Variants in TBC1D1 observed in about 807,000 individuals in gnomAD.
TBC1D1 encodes TBC1 (tre-2/USP6, BUB2, cdc16) domain family, member 1.
TBC1D1 carries 89 observed loss-of-function variants against 125.6 expected under a neutral mutation model. That is an observed-to-expected ratio of 0.71 (90% confidence interval 0.60 to 0.85). The LOEUF (loss-of-function observed/expected upper bound fraction) is 0.85, where lower values mean the gene tolerates loss of function less well. Ranked by LOEUF, TBC1D1 falls within the 40% of genes least tolerant of loss-of-function variation. TBC1D1 has a pLI of 0.00. For synonymous variants in TBC1D1, 565 were observed against 564.1 expected (o/e 1.00, Z -0.02); for missense variants, 1,377 against 1,469.2 (o/e 0.94, Z 1.03).
At position 38,133,088 on chromosome 4, in the gene TBC1D1, T is replaced by A; in HGVS notation, c.3137T>A (p.Phe1046Tyr). Reference sequence around the variant, plus strand: ...TGACTTTTCTTTCTATAACAGGTATTTGAAATGGACATCGCTAAACAGTTA... The same window carrying A: ...TGACTTTTCTTTCTATAACAGGTATATGAAATGGACATCGCTAAACAGTTA... Residue 1046 changes from phenylalanine (F) to tyrosine (Y), a missense_variant, in exon 19 of 20, where the codon TTT becomes TAT. This residue lies in a region of TBC1D1 where 543 missense variants were observed against 613.5 expected (regional missense o/e 0.89). Coordinates refer to ENST00000261439, the MANE Select transcript of TBC1D1 (RefSeq NM_015173.4). 1 of 1,609,380 alleles carries A rather than the reference T, an allele frequency of 6.2e-7. No homozygotes were observed. Among genetic ancestry groups the A allele is most frequent in the South Asian group, 1.1e-5 (1 of 89,932 alleles).
At chr4:38,120,835 G>T (rs1335661751) in intron 17 of TBC1D1, among the ~76,000 whole-genome samples, 2 of 151,968 alleles carry the variant, frequency 1.3e-5, no homozygotes. Context: ...ACCTTTGGGG[G>T]AAGAAAAATC....
chr4:37,940,524 C>T (rs1725334570), intron 2 of TBC1D1, among the ~76,000 whole-genome samples: 1 of 152,140 alleles, frequency 6.6e-6, no homozygotes, highest in Admixed American at 6.5e-5. Context: ...TTTCTTTCTC[C>T]TGCCTGATTG....
At chr4:38,105,487 A>G (rs1040635519) in intron 15 of TBC1D1, among the ~76,000 whole-genome samples, 1 of 152,102 alleles carries the variant, frequency 6.6e-6, no homozygotes, top group African/African-American at 2.4e-5. Flanking sequence ...GGTTTCTTAC[A>G]AAGGTGTATT....
chr4:37,984,129 T>G (rs1470551083), intron 2 of TBC1D1, among the ~76,000 whole-genome samples: 1 of 152,204 alleles, frequency 6.6e-6, no homozygotes, highest in Non-Finnish European at 1.5e-5. Context: ...ATCATATTAA[T>G]TGCCTGGATG....
intron 2 of TBC1D1, among the ~76,000 whole-genome samples, chr4:37,982,756 A>G (rs995468737): frequency 1.3e-5 from 2 of 152,232 alleles, no homozygotes; most frequent in African/African-American, 4.8e-5. Context: ...CAAATTCTTT[A>G]ATCTGATTTT....
rs1409900818 is a variant in TBC1D1, at chr4:38,014,617, C to T, written c.526C>T (p.Leu176Phe). 1.2e-6 allele frequency: 2 copies of T among 1,613,448 alleles called. No individual in the cohort carries two copies. Among genetic ancestry groups the T allele is most frequent in the Admixed American group, 1.7e-5 (1 of 60,034 alleles). ...CACGTTTTCCAAGAAGTTCGAGGTG[C>T]TCTTCTGCGGCCGCGTGACGGTGGC... The change falls in exon 3 of 20, where the codon CTC becomes TTC. Residue 176 changes from leucine to phenylalanine, a missense_variant. By Grantham distance (22) the Leu-to-Phe change is conservative. This residue lies in a region of TBC1D1 where 822 missense variants were observed against 824.6 expected (regional missense o/e 1.00). Coordinates refer to ENST00000261439, the MANE Select transcript of TBC1D1 (RefSeq NM_015173.4). The surrounding 1 kb of genome is among the most constrained non-coding windows in gnomAD (Gnocchi z 5.1).
chr4:37,979,551 A>G (rs925524880), intron 2 of TBC1D1, among the ~76,000 whole-genome samples: 3 of 152,270 alleles, frequency 2.0e-5, no homozygotes, highest in Admixed American at 6.5e-5. Context: ...AATGTACACA[A>G]TGTGAATAAT....
At chr4:38,012,010 A>G (rs1167955274) in intron 2 of TBC1D1, among the ~76,000 whole-genome samples, 1 of 152,194 alleles carries the variant, frequency 6.6e-6, no homozygotes, top group East Asian at 1.9e-4. Context: ...TGCTCACTTC[A>G]GATGCAGCAG....
chr4:38,054,132 T>A (rs1751232521), intron 11 of TBC1D1, 67 bp from the exon 14 acceptor site: 13 of 1,526,970 alleles, frequency 8.5e-6, no homozygotes, highest in Non-Finnish European at 1.2e-5. Flanking sequence ...TTTAAAAAAA[T>A]GTTAAGCTAA....
At chr4:38,006,762 A>C in intron 2 of TBC1D1, 1 of 454,572 alleles carries the variant, frequency 2.2e-6, no homozygotes, top group South Asian at 1.7e-5. Context: ...TACAGGCGTG[A>C]GCCACTGCGC....
chr4:38,110,732 G>C (rs980324097), intron 15 of TBC1D1: 1 of 985,308 alleles, frequency 1.0e-6, no homozygotes. Context: ...TCTCTGCTTT[G>C]TGGTAAGTTG....
intron 2 of TBC1D1, among the ~76,000 whole-genome samples, chr4:37,937,655 A>G (rs1283911495): frequency 3.9e-5 from 6 of 152,228 alleles, no homozygotes; most frequent in African/African-American, 1.4e-4. Context: ...CATAAAAACA[A>G]TAACAATTCT....
intron 19 of TBC1D1, among the ~76,000 whole-genome samples, chr4:38,135,541 T>C (rs1766354435): frequency 6.6e-6 from 1 of 152,242 alleles, no homozygotes. Flanking sequence ...TGCAAATTAA[T>C]TCACTACTAA....
At chr4:38,016,776 A>G (rs1742819920) in intron 3 of TBC1D1, among the ~76,000 whole-genome samples, 1 of 152,206 alleles carries the variant, frequency 6.6e-6, no homozygotes. Context: ...AGCCCCATGA[A>G]AGTTGTTTTC....
At chr4:38,111,589 C>T (rs542946053) in intron 15 of TBC1D1, among the ~76,000 whole-genome samples, 21 of 152,130 alleles carry the variant, frequency 1.4e-4, no homozygotes, top group African/African-American at 2.9e-4. Context: ...TAATAGAATC[C>T]GCTGAATTTT....
At chr4:38,035,874 TAAGAA>T (rs1170119466) in intron 8 of TBC1D1, among the ~76,000 whole-genome samples, 176 bp downstream of exon 8, 1 of 152,072 alleles carries the variant, frequency 6.6e-6, no homozygotes, top group Non-Finnish European at 1.5e-5. Context: ...CTTGAGAAGA[TAAGAA>T]AAGTTTCTGC....
At chr4:38,016,311 TCA>T (rs1742706775) in intron 3 of TBC1D1, among the ~76,000 whole-genome samples, 1 of 152,196 alleles carries the variant, frequency 6.6e-6, no homozygotes, top group African/African-American at 2.4e-5. Flanking sequence ...TCTTCTGGGC[TCA>T]CAGAGCAGCA....
intron 2 of TBC1D1, among the ~76,000 whole-genome samples, chr4:37,997,563 A>G (rs1738079319): frequency 6.6e-6 from 1 of 152,222 alleles, no homozygotes; most frequent in Non-Finnish European, 1.5e-5. Context: ...AGAAAAATGT[A>G]CTTTTAAAAA....
intron 15 of TBC1D1, among the ~76,000 whole-genome samples, chr4:38,115,013 A>G (rs185588876): frequency 7.9e-4 from 120 of 151,982 alleles, no homozygotes; most frequent in African/African-American, 2.8e-3. Context: ...GGGTGGGTGC[A>G]GGGTGCAGCA....
Sources: allele counts gnomAD v4.1 joint callset (sites outside exome capture counted in the v4.1 genomes callset), GRCh38; gene constraint gnomAD v4.1.1; regional missense constraint gnomAD v4.1.1; non-coding constraint Gnocchi (gnomAD v3.1); transcripts MANE v1.5; gene names NCBI Gene and HGNC (gene_info 2026-07-23, HGNC 2026-07-21).